The following NPY2R variants were observed in gnomAD, a reference collection of about 807,000 sequenced individuals.
The protein encoded by NPY2R is neuropeptide Y receptor Y2, also known as neuropeptide Y receptor type 2.
In NPY2R, 17 loss-of-function variants were observed where a neutral mutation model predicts 22.3. That is an observed-to-expected ratio of 0.76 (90% CI 0.52 to 1.14). NPY2R has a LOEUF of 1.14. Ranked by LOEUF, NPY2R falls within the 50% of genes most tolerant of loss-of-function variation. NPY2R has a pLI of 0.00. For synonymous variants in NPY2R, 209 were observed against 183.4 expected (o/e 1.14, Z -1.13); for missense variants, 424 against 467.9 (o/e 0.91, Z 0.87).
the NPY2R span, among the ~76,000 whole-genome samples, chr4:155,185,042 A>ATTTTT: frequency 3.1e-4 from 28 of 90,180 alleles, no homozygotes; most frequent in East Asian, 0.011. Context: ...ATATATATAT[A>ATTTTT]TATTTTTTTT....
chr4:155,186,154 TA>T, the NPY2R span, among the ~76,000 whole-genome samples: 1 of 152,176 alleles, frequency 6.6e-6, no homozygotes, highest in Non-Finnish European at 1.5e-5. Context: ...GACTTAATAT[TA>T]GTCCAAGGTT....
the NPY2R span, among the ~76,000 whole-genome samples, chr4:155,203,400 G>T: frequency 2.0e-5 from 3 of 152,130 alleles, no homozygotes; most frequent in East Asian, 5.8e-4. Flanking sequence ...ACAAATGAAG[G>T]TCAGAGAAGG....
At chr4:155,204,497 T>C (rs1362603555), upstream of NPY2R, among the ~76,000 whole-genome samples, 4 of 152,138 alleles carry the variant, frequency 2.6e-5, no homozygotes, top group Admixed American at 6.6e-5. Context: ...AATTTTAAAA[T>C]ACCTCGCTCT....
intron 1 of NPY2R, among the ~76,000 whole-genome samples, chr4:155,209,862 C>T (rs1445657934): frequency 6.6e-5 from 10 of 151,942 alleles, no homozygotes; most frequent in Non-Finnish European, 1.5e-4. Context: ...GCAAAAAGCC[C>T]CCACAGATTT....
At chr4:155,199,265 CA>C in the NPY2R span, among the ~76,000 whole-genome samples, 1 of 151,750 alleles carries the variant, frequency 6.6e-6, no homozygotes, top group Non-Finnish European at 1.5e-5. Context: ...AACAAACAAA[CA>C]ACATCTAAAA....
At chr4:155,188,982 G>A in the NPY2R span, among the ~76,000 whole-genome samples, 2 of 152,172 alleles carry the variant, frequency 1.3e-5, no homozygotes, top group African/African-American at 4.8e-5. Flanking sequence ...AAAAAATACA[G>A]GTTCTCAGAC....
rs982286697 is a variant in NPY2R, at chr4:155,215,647, T to A, written c.*562T>A. On this transcript the variant is annotated 3_prime_UTR_variant, in exon 2 of 2. Transcript: ENST00000329476. ...AACTATACGAATGGCTTCGAGGAGA[T>A]AAACTGAAATTTGCTATATAATTAA... is the stretch of plus-strand genomic sequence containing the variant. The A allele has an allele frequency of 1.1e-5, 2 of 174,048 alleles. No homozygotes were observed. Among genetic ancestry groups the A allele is most frequent in the African/African-American group, 2.4e-5 (1 of 41,504 alleles). 10.8% of individuals were successfully genotyped at this position (174,048 alleles called of 1,614,324 possible). A position where few individuals can be genotyped will look rare whatever the true frequency, so the allele number is the denominator to read the frequency against.
the NPY2R span, among the ~76,000 whole-genome samples, chr4:155,192,018 A>C: frequency 6.6e-6 from 1 of 151,872 alleles, no homozygotes; most frequent in Non-Finnish European, 1.5e-5. Context: ...TTATTTTCTG[A>C]GTGAATTTTC....
At chr4:155,175,533 A>G in the NPY2R span, among the ~76,000 whole-genome samples, 1 of 152,156 alleles carries the variant, frequency 6.6e-6, no homozygotes, top group South Asian at 2.1e-4. Flanking sequence ...TGGAAAGATC[A>G]TTTTATTTTA....
At chr4:155,181,316 C>T in the NPY2R span, among the ~76,000 whole-genome samples, 1 of 152,142 alleles carries the variant, frequency 6.6e-6, no homozygotes, top group African/African-American at 2.4e-5. Flanking sequence ...CCAAGAAACC[C>T]TCACACATTT....
chr4:155,212,133 T>G (rs1012131208), intron 1 of NPY2R, among the ~76,000 whole-genome samples: 3 of 152,182 alleles, frequency 2.0e-5, no homozygotes, highest in Admixed American at 2.0e-4. Context: ...TGAATAAATA[T>G]ATGACTTTCC....
chr4:155,186,593 T>A, the NPY2R span, among the ~76,000 whole-genome samples: 1 of 152,196 alleles, frequency 6.6e-6, no homozygotes, highest in African/African-American at 2.4e-5. Context: ...TTTTTGTGTG[T>A]ATGGCAAGAG....
upstream of NPY2R, among the ~76,000 whole-genome samples, chr4:155,205,603 A>G (rs1729268168): frequency 6.6e-6 from 1 of 152,238 alleles, no homozygotes; most frequent in Non-Finnish European, 1.5e-5. Flanking sequence ...ATATCTATTC[A>G]ACCAGAAATG....
the NPY2R span, among the ~76,000 whole-genome samples, chr4:155,187,988 T>A: frequency 1.3e-5 from 2 of 152,094 alleles, no homozygotes; most frequent in South Asian, 4.2e-4. Flanking sequence ...TGAAGAACAT[T>A]CTCCTAGATA....
At chr4:155,204,559 A>G (rs977664086), upstream of NPY2R, among the ~76,000 whole-genome samples, 7 of 152,166 alleles carry the variant, frequency 4.6e-5, no homozygotes, top group African/African-American at 1.4e-4. Context: ...GGTACTGCAA[A>G]TATATCCAAG....
chr4:155,215,271 G>C lies in NPY2R; in HGVS notation c.*186G>C. 1.5e-6 allele frequency: 1 copy of C among 687,096 alleles called. No individual in the cohort carries two copies. 42.6% of individuals were successfully genotyped at this position (687,096 alleles called of 1,614,324 possible). On this transcript the variant is annotated 3_prime_UTR_variant, in exon 2 of 2. Transcript: ENST00000329476. ...CTGTGTGAAAATACTGGAATTCAAA[G>C]ATAAGGCAACAAAATGGTTTACTTA...
chr4:155,174,479 TA>T, the NPY2R span, among the ~76,000 whole-genome samples: 233 of 90,794 alleles, frequency 2.6e-3, 4 homozygotes, highest in African/African-American at 0.012. Flanking sequence ...TATATATATA[TA>T]TATATTTTTT....
the NPY2R span, among the ~76,000 whole-genome samples, chr4:155,177,025 T>A: frequency 6.6e-6 from 1 of 152,140 alleles, no homozygotes; most frequent in Admixed American, 6.6e-5. Context: ...AGAAATTAAG[T>A]GTTAACACAT....
the NPY2R span, among the ~76,000 whole-genome samples, chr4:155,174,484 ATT>A: frequency 4.6e-4 from 49 of 106,024 alleles, no homozygotes; most frequent in African/African-American, 1.4e-3. Flanking sequence ...ATATATATAT[ATT>A]TTTTTTTTTA....
Sources: gnomAD v4.1 joint callset for allele counts (sites outside exome capture counted in the v4.1 genomes callset) on GRCh38, gnomAD v4.1.1 for gene constraint, MANE v1.5 for transcripts, NCBI Gene and HGNC (gene_info 2026-07-23, HGNC 2026-07-21) for gene names.